Variants in VAT1L observed in about 807,000 individuals in gnomAD.
VAT1L encodes putative NADPH-dependent quinone oxidoreductase VAT1L.
Under a neutral mutation model 44.1 loss-of-function variants are expected in VAT1L, and 34 were observed. The ratio of observed to expected loss-of-function variants is 0.77; its 90% CI spans 0.59 to 1.03. The LOEUF (loss-of-function observed/expected upper bound fraction) is 1.03. Among genes scored for constraint, VAT1L ranks in the 50% least tolerant of loss-of-function variants. The pLI is 0.00. For synonymous variants in VAT1L, 253 were observed against 202.2 expected, an observed-to-expected ratio of 1.25 and a Z score of -2.13; for missense variants, 615 against 538.8, an observed-to-expected ratio of 1.14 and a Z score of -1.40.
At chr16:77,846,102 G>A (rs990190198) in intron 3 of VAT1L, among the ~76,000 whole-genome samples, 4 of 151,282 alleles carry the variant, frequency 2.6e-5, no homozygotes, top group African/African-American at 9.7e-5. Flanking sequence ...CAAATTAAAT[G>A]GATGAACTTT....
At chr16:77,957,739 A>C (rs1001586121) in intron 7 of VAT1L, among the ~76,000 whole-genome samples, 14 of 149,474 alleles carry the variant, frequency 9.4e-5, no homozygotes, top group African/African-American at 3.2e-4. Context: ...AATAAAATAA[A>C]TAAAACAATT....
intron 1 of VAT1L, among the ~76,000 whole-genome samples, chr16:77,807,544 G>C (rs1322856415): frequency 6.6e-6 from 1 of 152,104 alleles, no homozygotes; most frequent in African/African-American, 2.4e-5. Context: ...CCCCAGTCCA[G>C]CTTCCCTCCT....
chr16:77,870,380 G>C (rs1597075778), intron 4 of VAT1L, among the ~76,000 whole-genome samples: 1 of 152,230 alleles, frequency 6.6e-6, no homozygotes. Flanking sequence ...ACAGAGTGGA[G>C]AGCCAAAGAC....
At chr16:77,819,537 A>G (rs956917259) in intron 2 of VAT1L, among the ~76,000 whole-genome samples, 2 of 152,008 alleles carry the variant, frequency 1.3e-5, no homozygotes, top group African/African-American at 4.8e-5. Flanking sequence ...GCCTGCCACC[A>G]CACCTGGCTA....
chr16:77,977,562 C>T (rs977508906), intron 8 of VAT1L, 35 bp from the exon 9 acceptor site: 1 of 1,605,970 alleles, frequency 6.2e-7, no homozygotes, highest in African/African-American at 1.3e-5. Context: ...GGCTGGGTTG[C>T]ACAACCCTCA....
At chr16:77,961,407 C>G (rs2018158906) in intron 7 of VAT1L, among the ~76,000 whole-genome samples, 1 of 152,144 alleles carries the variant, frequency 6.6e-6, no homozygotes, top group African/African-American at 2.4e-5. Flanking sequence ...GTTCCCTTAC[C>G]TTGCCCTACT....
At chr16:77,936,769 A>C (rs1196974372) in intron 7 of VAT1L, among the ~76,000 whole-genome samples, 1 of 152,146 alleles carries the variant, frequency 6.6e-6, no homozygotes, top group Non-Finnish European at 1.5e-5. Context: ...AAGAAAGAGG[A>C]GAGGAAGGAG....
intron 1 of VAT1L, 102 bp downstream of exon 1, chr16:77,789,017 C>A: frequency 7.6e-7 from 1 of 1,323,578 alleles, no homozygotes; most frequent in South Asian, 1.6e-5. Flanking sequence ...GTAGAACCGC[C>A]GCGCGCACCC....
intron 7 of VAT1L, among the ~76,000 whole-genome samples, chr16:77,956,087 G>A (rs531414174): frequency 6.6e-6 from 1 of 152,116 alleles, no homozygotes; most frequent in African/African-American, 2.4e-5. Flanking sequence ...TAATTGGATT[G>A]TTTGCAACAC....
chr16:77,893,448 A>G (rs908829343), intron 7 of VAT1L, among the ~76,000 whole-genome samples: 1 of 152,350 alleles, frequency 6.6e-6, no homozygotes, highest in South Asian at 2.1e-4. Flanking sequence ...CTGGTGTGAA[A>G]AAGTTGATGA....
intron 7 of VAT1L, among the ~76,000 whole-genome samples, chr16:77,960,630 C>T (rs1473237189): frequency 6.6e-6 from 1 of 152,048 alleles, no homozygotes; most frequent in Non-Finnish European, 1.5e-5. Flanking sequence ...TCTCATTGGC[C>T]AAAGCCAACT....
At chr16:77,831,982 ATTTTT>A (rs151275500) in intron 3 of VAT1L, among the ~76,000 whole-genome samples, 13 of 125,984 alleles carry the variant, frequency 1.0e-4, no homozygotes, top group Admixed American at 2.6e-4. Context: ...TGCCCGGCTA[ATTTTT>A]TTTTTTTTTT....
At chr16:77,903,005 A>G (rs2017401010) in intron 7 of VAT1L, among the ~76,000 whole-genome samples, 1 of 151,798 alleles carries the variant, frequency 6.6e-6, no homozygotes, top group Admixed American at 6.6e-5. Flanking sequence ...GAAAAAAAGT[A>G]ACACAGGAAT....
chr16:77,904,011 C>T (rs2017412766), intron 7 of VAT1L, among the ~76,000 whole-genome samples: 1 of 152,042 alleles, frequency 6.6e-6, no homozygotes, highest in Non-Finnish European at 1.5e-5. Context: ...TCTGAGATTA[C>T]AGGTATGAGC....
chr16:77,904,191 T>C (rs1423277592), intron 7 of VAT1L, among the ~76,000 whole-genome samples: 1 of 152,044 alleles, frequency 6.6e-6, no homozygotes, highest in Non-Finnish European at 1.5e-5. Flanking sequence ...TTGCTTTTTT[T>C]TTTTTTTTTC....
At position 77,884,771 on chromosome 16, in the gene VAT1L, C is replaced by T; in HGVS notation, c.1046C>T (p.Pro349Leu). The T allele has an allele frequency of 6.4e-7, 1 of 1,562,680 alleles. No individual in the cohort carries two copies. The highest frequency in any genetic ancestry group is 2.4e-5 in the East Asian group (1 of 42,192). The change falls in exon 7 of 9, where the codon CCT becomes CTT. Residue 349 changes from proline to leucine, a missense_variant. By Grantham distance (98) the Pro-to-Leu change is moderately conservative. Transcript: ENST00000302536. The surrounding 1 kb of genome is among the most constrained non-coding windows in gnomAD (Gnocchi z 4.5). ...CTCTACAACCAGAAGAAGATCAAGC[C>T]TGTGGTGGACTCCTTGTGGGCTCTG... ...IGLYNQKKIK[P>L]VVDSLWALEE...
At chr16:77,868,188 T>C (rs2016995266) in intron 4 of VAT1L, among the ~76,000 whole-genome samples, 1 of 152,168 alleles carries the variant, frequency 6.6e-6, no homozygotes, top group African/African-American at 2.4e-5. Context: ...TTGTATGCAG[T>C]CAGGTATACA....
At chr16:77,832,293 C>G (rs1319491170) in intron 3 of VAT1L, among the ~76,000 whole-genome samples, 2 of 152,170 alleles carry the variant, frequency 1.3e-5, no homozygotes, top group Admixed American at 6.5e-5. Context: ...CACGGAGTGA[C>G]AGACTATTTT....
At chr16:77,975,501 C>T (rs984417816) in intron 8 of VAT1L, among the ~76,000 whole-genome samples, 2 of 152,196 alleles carry the variant, frequency 1.3e-5, no homozygotes, top group East Asian at 3.9e-4. Context: ...CGTGAGCCAC[C>T]GCGCCCGGCC....
Sources: gnomAD v4.1 joint callset for allele counts (sites outside exome capture counted in the v4.1 genomes callset) on GRCh38, gnomAD v4.1.1 for gene constraint, Gnocchi (gnomAD v3.1) non-coding constraint, MANE v1.5 for transcripts, NCBI Gene and HGNC (gene_info 2026-07-23, HGNC 2026-07-21) for gene names.